The following IGSF11 variants were observed in gnomAD, a reference collection of about 807,000 sequenced individuals.
IGSF11 encodes the protein immunoglobulin superfamily member 11.
In IGSF11, 22 loss-of-function variants were observed where a neutral mutation model predicts 41.0. That is an observed-to-expected ratio of 0.54 (90% CI 0.38 to 0.77). The LOEUF (loss-of-function observed/expected upper bound fraction) is 0.77, where lower values mean the gene tolerates loss of function less well. IGSF11 is among the 30% of genes least tolerant of loss of function. IGSF11 has a pLI of 0.00. For synonymous variants in IGSF11, 219 were observed against 201.3 expected (o/e 1.09, Z -0.74); for missense variants, 444 against 530.8 (o/e 0.84, Z 1.61).
At chr3:119,102,472 G>A (rs1441681147) in intron 1 of IGSF11, among the ~76,000 whole-genome samples, 4 of 152,100 alleles carry the variant, frequency 2.6e-5, no homozygotes, top group Non-Finnish European at 5.9e-5. Flanking sequence ...AATCTTTGAG[G>A]AACAGTAATT....
rs1052149262 is a variant in IGSF11, at chr3:119,045,321, G to C, written c.49+59823C>G. Among the ~76,000 whole-genome samples the C allele has an allele frequency of 2.6e-5, 4 of 152,258 alleles. 1 individual carries two copies. Among genetic ancestry groups the C allele is most frequent in the East Asian group, 1.9e-4 (1 of 5,190 alleles). ...ACGAGCCGAAGCAGGGCGAGGCATT[G>C]CCTCACTTGGGAAGCGCAAGGGGTC... On this transcript the variant is annotated intron_variant, in intron 1 of 6. Transcript: ENST00000354673.
chr3:119,046,042 GA>G (rs1368622831), intron 1 of IGSF11, among the ~76,000 whole-genome samples: 4 of 151,250 alleles, frequency 2.6e-5, no homozygotes, highest in African/African-American at 9.7e-5. Flanking sequence ...CAAAGATGGG[GA>G]AAAAACAGAA....
At chr3:119,057,997 T>A (rs1941913715) in intron 1 of IGSF11, among the ~76,000 whole-genome samples, 1 of 152,208 alleles carries the variant, frequency 6.6e-6, no homozygotes, top group African/African-American at 2.4e-5. Flanking sequence ...GACTTACATG[T>A]TAGACCTAAA....
Position 119,105,059 on chromosome 3 carries a change from T to C in IGSF11, c.49+85A>G, listed in dbSNP as rs189282341. ...AGGAGAATATACATAGAAGTTAGTA[T>C]CACAAAAAGCCTTTCACTCAGCCAG... On this transcript the variant is annotated intron_variant, in intron 1 of 6. Transcript: ENST00000354673. 377 of 811,122 alleles carry C rather than the reference T, an allele frequency of 4.6e-4. 8 individuals carry two copies. In the South Asian group the frequency reaches 5.0e-3, roughly 11 times the overall value. The allele number at this position is 811,122 out of a possible 1,614,324, so 50.2% of individuals were successfully genotyped here.
rs945035897 is a variant in IGSF11 at position 118,925,270 on chromosome 3, G to A, written c.580+831C>T. Among the ~76,000 whole-genome samples the A allele has an allele frequency of 3.3e-5, 5 of 152,046 alleles. 1 individual carries two copies. Among genetic ancestry groups the A allele is most frequent in the East Asian group, 1.9e-4 (1 of 5,162 alleles). ...GACTTTCCTTTTCCATGACAGGTGT[G>A]GACTATCAACATGATTCAGACTTAC... On this transcript the variant is annotated intron_variant, in intron 4 of 6. Coordinates refer to ENST00000393775, the MANE Select transcript of IGSF11 (RefSeq NM_001015887.3).
At chr3:119,084,654 A>G (rs928737533) in intron 1 of IGSF11, among the ~76,000 whole-genome samples, 1 of 152,118 alleles carries the variant, frequency 6.6e-6, no homozygotes, top group African/African-American at 2.4e-5. Flanking sequence ...CTGCCAGCCA[A>G]CCCTTCCAGG....
At chr3:118,998,665 T>C (rs1172081073) in intron 1 of IGSF11, among the ~76,000 whole-genome samples, 1 of 152,118 alleles carries the variant, frequency 6.6e-6, no homozygotes, top group Admixed American at 6.5e-5. Flanking sequence ...CTATTTTTTA[T>C]AAATAAGGAG....
intron 1 of IGSF11, among the ~76,000 whole-genome samples, chr3:118,963,533 T>C (rs142829185): frequency 1.4e-3 from 212 of 152,226 alleles, no homozygotes; most frequent in Admixed American, 2.2e-3. Context: ...ATTATGTTCA[T>C]AGATAGCTAA....
chr3:119,053,079 C>T (rs1941690618), intron 1 of IGSF11, among the ~76,000 whole-genome samples: 1 of 152,162 alleles, frequency 6.6e-6, no homozygotes, highest in Admixed American at 6.5e-5. Context: ...CCCCTGAGAA[C>T]TGGAACAAGA....
At chr3:118,905,047 A>G (rs1939406049) in intron 5 of IGSF11, among the ~76,000 whole-genome samples, 1 of 152,210 alleles carries the variant, frequency 6.6e-6, no homozygotes, top group African/African-American at 2.4e-5. Flanking sequence ...TGCACATTTT[A>G]GGAGAACAAT....
intron 1 of IGSF11, among the ~76,000 whole-genome samples, chr3:118,934,738 G>A (rs978390062): frequency 1.3e-5 from 2 of 152,094 alleles, no homozygotes; most frequent in African/African-American, 4.8e-5. Context: ...TGAATGGCTC[G>A]AACAGGGCCA....
At chr3:118,945,190 C>G (rs1023680445) in intron 1 of IGSF11, among the ~76,000 whole-genome samples, 8 of 151,832 alleles carry the variant, frequency 5.3e-5, no homozygotes, top group African/African-American at 1.7e-4. Context: ...ACCTAACATA[C>G]AAATAAGCAG....
intron 1 of IGSF11, among the ~76,000 whole-genome samples, chr3:119,099,935 A>G (rs1459739747): frequency 6.6e-6 from 1 of 152,196 alleles, no homozygotes. Flanking sequence ...GATAACTGAG[A>G]CAATTACTAA....
chr3:118,916,359 C>G (rs1042724611), intron 4 of IGSF11, among the ~76,000 whole-genome samples: 3 of 152,098 alleles, frequency 2.0e-5, no homozygotes, highest in African/African-American at 2.4e-5. Flanking sequence ...ATTCAGGAAA[C>G]CCATCTCACG....
chr3:119,083,160 C>T (rs1166455270), intron 1 of IGSF11, among the ~76,000 whole-genome samples: 1 of 133,354 alleles, frequency 7.5e-6, no homozygotes, highest in Non-Finnish European at 1.5e-5. Context: ...GGGACAGCAT[C>T]TCAATCCTGT....
At chr3:119,034,159 G>C (rs1345050924) in intron 1 of IGSF11, among the ~76,000 whole-genome samples, 1 of 152,184 alleles carries the variant, frequency 6.6e-6, no homozygotes, top group East Asian at 1.9e-4. Flanking sequence ...TCCTAGGGCC[G>C]CCTAGTAAAG....
At chr3:118,956,168 C>A (rs780533664) in intron 1 of IGSF11, among the ~76,000 whole-genome samples, 2 of 152,168 alleles carry the variant, frequency 1.3e-5, no homozygotes, top group Non-Finnish European at 2.9e-5. Context: ...AAAATTAGGG[C>A]ACTGCTCTAG....
At chr3:119,025,915 C>T (rs1171502590) in intron 1 of IGSF11, among the ~76,000 whole-genome samples, 1 of 152,062 alleles carries the variant, frequency 6.6e-6, no homozygotes, top group Non-Finnish European at 1.5e-5. Context: ...GGCATACTTG[C>T]TATGAAATAC....
At chr3:118,920,916 T>A (rs774225830) in intron 4 of IGSF11, among the ~76,000 whole-genome samples, 15 of 152,144 alleles carry the variant, frequency 9.9e-5, no homozygotes, top group Non-Finnish European at 2.1e-4. Flanking sequence ...CTGGCTGCAC[T>A]CCAAACACAC....
Sources: allele counts gnomAD v4.1 joint callset (sites outside exome capture counted in the v4.1 genomes callset), GRCh38; gene constraint gnomAD v4.1.1; transcripts MANE v1.5; gene names NCBI Gene and HGNC (gene_info 2026-07-23, HGNC 2026-07-21).